Variants in ZFAND3 observed in about 807,000 individuals in gnomAD.
ZFAND3 encodes the protein zinc finger AN1-type containing 3, also known as AN1-type zinc finger protein 3.
In ZFAND3, 10 loss-of-function variants were observed where a neutral mutation model predicts 29.6. The ratio of observed to expected loss-of-function variants is 0.34; its 90% CI spans 0.21 to 0.57. The LOEUF is 0.57. Ranked by LOEUF, ZFAND3 falls within the 20% of genes least tolerant of loss-of-function variation. ZFAND3 has a pLI of 0.86. For synonymous variants in ZFAND3, 128 were observed against 112.6 expected (o/e 1.14, Z -0.87); for missense variants, 230 against 304.5 (o/e 0.76, Z 1.82).
chr6:38,008,937 G>T (rs1763098389), intron 2 of ZFAND3, among the ~76,000 whole-genome samples: 1 of 152,042 alleles, frequency 6.6e-6, no homozygotes, highest in Non-Finnish European at 1.5e-5. Flanking sequence ...CTTACATCCA[G>T]GGTTTAATTA....
At chr6:37,929,001 G>A (rs2127412224) in intron 1 of ZFAND3, among the ~76,000 whole-genome samples, 1 of 152,304 alleles carries the variant, frequency 6.6e-6, no homozygotes, top group African/African-American at 2.4e-5. Context: ...ATGGGGATGA[G>A]ACTGTATGTC....
intron 1 of ZFAND3, among the ~76,000 whole-genome samples, chr6:37,854,762 A>T: frequency 1.1e-5 from 1 of 92,046 alleles, no homozygotes; most frequent in East Asian, 3.6e-4. Flanking sequence ...ATAGGCTAAA[A>T]TGCCCCCCCC....
At chr6:38,103,524 CAT>C (rs1554181208) in intron 4 of ZFAND3, among the ~76,000 whole-genome samples, 4 of 38,000 alleles carry the variant, frequency 1.1e-4, no homozygotes, top group South Asian at 6.2e-4. Context: ...TATATATACA[CAT>C]ATATATACAC....
intron 1 of ZFAND3, among the ~76,000 whole-genome samples, chr6:37,878,197 C>T (rs745435500): frequency 2.6e-5 from 4 of 152,204 alleles, no homozygotes; most frequent in Non-Finnish European, 5.9e-5. Flanking sequence ...AGGTTCTCCA[C>T]ACAGTCATTA....
At chr6:37,898,616 A>C (rs1241427358) in intron 1 of ZFAND3, among the ~76,000 whole-genome samples, 1 of 152,200 alleles carries the variant, frequency 6.6e-6, no homozygotes, top group Non-Finnish European at 1.5e-5. Context: ...GTAAGTCTTT[A>C]ATTTCCCTCA....
chr6:37,835,288 A>G (rs1763945558), intron 1 of ZFAND3, among the ~76,000 whole-genome samples: 1 of 151,858 alleles, frequency 6.6e-6, no homozygotes, highest in African/African-American at 2.4e-5. Context: ...CCTCCCATGT[A>G]GCTGGGACCC....
intron 2 of ZFAND3, among the ~76,000 whole-genome samples, chr6:38,049,443 G>A (rs1004596013): frequency 6.6e-6 from 1 of 152,184 alleles, no homozygotes; most frequent in African/African-American, 2.4e-5. Context: ...TAAGTAACTT[G>A]CCCAAGGTTA....
At chr6:38,065,479 T>C (rs1764328957) in intron 3 of ZFAND3, among the ~76,000 whole-genome samples, 1 of 152,166 alleles carries the variant, frequency 6.6e-6, no homozygotes, top group Admixed American at 6.5e-5. Context: ...GTTTAGATAA[T>C]AATAATGTTA....
At chr6:37,883,184 C>G (rs1764927803) in intron 1 of ZFAND3, among the ~76,000 whole-genome samples, 1 of 152,142 alleles carries the variant, frequency 6.6e-6, no homozygotes, top group South Asian at 2.1e-4. Flanking sequence ...GATCACGCCA[C>G]TGCTCTACAG....
chr6:38,004,534 TACAC>T (rs56068930), intron 2 of ZFAND3, among the ~76,000 whole-genome samples: 68,799 of 147,168 alleles, frequency 0.47, 16,533 homozygotes, highest in Non-Finnish European at 0.54. Flanking sequence ...TAAAGCTGTC[TACAC>T]ACACACACAC....
intron 2 of ZFAND3, among the ~76,000 whole-genome samples, chr6:38,040,186 A>G (rs1388814834): frequency 6.6e-6 from 1 of 152,162 alleles, no homozygotes; most frequent in African/African-American, 2.4e-5. Flanking sequence ...CTGGTTGTTA[A>G]CACTTACAGA....
At chr6:38,034,383 C>T (rs897324962) in intron 2 of ZFAND3, among the ~76,000 whole-genome samples, 1 of 152,020 alleles carries the variant, frequency 6.6e-6, no homozygotes, top group Admixed American at 6.5e-5. Context: ...ACTGAAAAGC[C>T]GCCTGATATA....
chr6:38,038,434 T>C (rs1014144731), intron 2 of ZFAND3, among the ~76,000 whole-genome samples: 1 of 152,220 alleles, frequency 6.6e-6, no homozygotes, highest in Admixed American at 6.5e-5. Flanking sequence ...GAGCCTTAAA[T>C]GAATCTTAGC....
intron 2 of ZFAND3, among the ~76,000 whole-genome samples, chr6:38,036,829 G>T (rs923121468): frequency 7.9e-5 from 12 of 151,964 alleles, no homozygotes; most frequent in Admixed American, 7.9e-4. Flanking sequence ...TTCCAGGCTG[G>T]TCTCAAACCC....
In ZFAND3 at chr6:37,833,318, C is replaced by G. The variant is rs750155419; in HGVS notation, c.71+13302C>G. The stretch of plus-strand genomic sequence containing the variant: ...TGCCTGTGTAACCAGAAATAGCTAA[C>G]AAGAAATAGCATTTCCGGCCCCCAA... On this transcript the variant is annotated intron_variant, in intron 1 of 5. Transcript: ENST00000287218. 5 of 152,092 alleles carry G rather than the reference C, an allele frequency of 3.3e-5. No homozygotes were observed. The South Asian group carries it at 6.2e-4, about 19-fold the overall frequency. The allele number at this position is 152,092 out of a possible 1,614,324, so 9.4% of individuals were successfully genotyped here.
In ZFAND3 at chr6:37,929,985, C is replaced by T; in HGVS notation, c.98C>T (p.Ser33Phe). Residue 33 changes from serine (S) to phenylalanine (F), a missense_variant, in exon 2 of 6, where the codon TCC becomes TTC. Transcript: ENST00000287218. The stretch of plus-strand genomic sequence containing the variant: ...TCCAGCAAGACTATGAATCTCTGTT[C>T]CAAATGCTTTGCTGGTAAGTGCAGA... The part of the protein sequence containing the change: ...WGSSKTMNLC[S>F]KCFADFQKKQ... The T allele has an allele frequency of 6.3e-7, 1 of 1,592,142 alleles. No homozygotes were observed.
At chr6:38,144,204 TATATATAATATATA>T (rs1164233865) in intron 5 of ZFAND3, among the ~76,000 whole-genome samples, 2 of 47,030 alleles carry the variant, frequency 4.3e-5, no homozygotes, top group South Asian at 4.6e-4. Context: ...TATATATATA[TATATATAATATATA>T]ATATATATAT....
At chr6:37,861,699 C>T (rs1764494894) in intron 1 of ZFAND3, among the ~76,000 whole-genome samples, 1 of 152,160 alleles carries the variant, frequency 6.6e-6, no homozygotes, top group Non-Finnish European at 1.5e-5. Context: ...TAAGTCTGTG[C>T]TCCTCTAGCA....
Position 38,138,429 on chromosome 6 carries a change from T to A in ZFAND3, c.530-13806T>A, listed in dbSNP as rs547125364. Among the ~76,000 whole-genome samples the A allele has an allele frequency of 3.0e-4, 45 of 152,096 alleles. No homozygotes were observed. In the South Asian group the frequency reaches 7.9e-3, roughly 27 times the overall value. On this transcript the variant is annotated intron_variant, in intron 5 of 5. Coordinates refer to ENST00000287218, the MANE Select transcript of ZFAND3 (RefSeq NM_021943.3). ...ACATCTCAGGTCAATTTTTTTTTTT[T>A]AAATCCAGAAGTTCCCTCCAACTGC...
Sources: gnomAD v4.1 joint callset for allele counts (sites outside exome capture counted in the v4.1 genomes callset) on GRCh38, gnomAD v4.1.1 for gene constraint, MANE v1.5 for transcripts, NCBI Gene and HGNC (gene_info 2026-07-23, HGNC 2026-07-21) for gene names.